Variants in SOX5 observed in about 807,000 individuals in gnomAD.
SOX5 encodes the protein SRY-box transcription factor 5.
A neutral mutation model predicts 92.0 loss-of-function variants in SOX5; 9 were observed. The observed-to-expected ratio is 0.10, with a 90% CI of 0.06 to 0.17. SOX5 has a LOEUF of 0.17. Ranked by LOEUF, SOX5 falls within the 10% of genes least tolerant of loss-of-function variation. The probability of loss-of-function intolerance (pLI) is 1.00; values close to 1 mark genes in which losing one functional copy is unlikely to be tolerated. For synonymous variants in SOX5, 344 were observed against 336.3 expected, an observed-to-expected ratio of 1.02 and a Z score of -0.25; for missense variants, 642 against 944.5, an observed-to-expected ratio of 0.68 and a Z score of 4.20.
intron 1 of SOX5, among the ~76,000 whole-genome samples, chr12:24,416,432 GCAAACTAA>G (rs774191057): frequency 6.6e-5 from 10 of 152,180 alleles, no homozygotes; most frequent in Admixed American, 1.3e-4. Context: ...CTCAGCATCA[GCAAACTAA>G]CATCTGAAAT....
chr12:24,515,819 C>T (rs1479955240), intron 1 of SOX5, among the ~76,000 whole-genome samples: 1 of 152,152 alleles, frequency 6.6e-6, no homozygotes, highest in Non-Finnish European at 1.5e-5. Flanking sequence ...TGCTCAATTA[C>T]AACTGTTCAA....
Position 23,563,419 on chromosome 12 carries a change from A to G in SOX5, c.1343-16T>C. Reference sequence around the variant, plus strand: ...TTTAAGTAACCTGAACATGAGACAGATCAAAGGATATCTTTTGTATAAAAG... The same window carrying G: ...TTTAAGTAACCTGAACATGAGACAGGTCAAAGGATATCTTTTGTATAAAAG... On this transcript the variant is annotated splice_polypyrimidine_tract_variant and intron_variant, in intron 10 of 14. Coordinates refer to ENST00000451604, the MANE Select transcript of SOX5 (RefSeq NM_006940.6). 1 of 1,609,746 alleles carries G rather than the reference A, an allele frequency of 6.2e-7. No individual in the cohort carries two copies. The highest frequency in any genetic ancestry group is 8.5e-7 in the Non-Finnish European group (1 of 1,177,890).
chr12:24,004,016 T>A (rs1951884029), intron 4 of SOX5, among the ~76,000 whole-genome samples: 1 of 152,052 alleles, frequency 6.6e-6, no homozygotes, highest in Non-Finnish European at 1.5e-5. Flanking sequence ...AATTGATTTA[T>A]TTTTGCACTA....
intron 2 of SOX5, among the ~76,000 whole-genome samples, chr12:24,365,519 T>C (rs1452716685): frequency 6.6e-6 from 1 of 151,782 alleles, no homozygotes; most frequent in African/African-American, 2.4e-5. Context: ...ATCAATTCTG[T>C]CTAAATTACT....
At chr12:23,884,361 A>G (rs1010474260) in intron 2 of SOX5, among the ~76,000 whole-genome samples, 1 of 152,342 alleles carries the variant, frequency 6.6e-6, no homozygotes, top group South Asian at 2.1e-4. Flanking sequence ...TCTTATAGCC[A>G]GAACACAAAT....
intron 1 of SOX5, among the ~76,000 whole-genome samples, chr12:24,458,434 T>C (rs1195390169): frequency 6.6e-6 from 1 of 152,170 alleles, no homozygotes; most frequent in Non-Finnish European, 1.5e-5. Context: ...CCAGGGTCCA[T>C]TCTCTACTCA....
chr12:23,826,165 C>A (rs930601988), intron 3 of SOX5, among the ~76,000 whole-genome samples: 1 of 136,396 alleles, frequency 7.3e-6, no homozygotes, highest in African/African-American at 2.7e-5. Flanking sequence ...CTAATGCTAT[C>A]CCTCCCCCCT....
At chr12:23,825,096 T>C (rs568104621) in intron 3 of SOX5, among the ~76,000 whole-genome samples, 1 of 150,678 alleles carries the variant, frequency 6.6e-6, no homozygotes, top group Non-Finnish European at 1.5e-5. Flanking sequence ...CCAGGGGGAG[T>C]GAACGGTTCT....
upstream of SOX5, chr12:23,951,095 GA>G (rs1456416515): frequency 4.6e-5 from 22 of 475,500 alleles, no homozygotes; most frequent in South Asian, 7.4e-5. Flanking sequence ...GGAAAGAGAG[GA>G]AAAAAAAGCC....
chr12:24,116,715 A>G (rs1194300736), intron 4 of SOX5, among the ~76,000 whole-genome samples: 1 of 152,184 alleles, frequency 6.6e-6, no homozygotes, highest in Non-Finnish European at 1.5e-5. Context: ...AAATCATTAT[A>G]AGAAATGTAA....
intron 2 of SOX5, among the ~76,000 whole-genome samples, chr12:24,342,595 A>C (rs1266649007): frequency 6.6e-6 from 1 of 152,150 alleles, no homozygotes; most frequent in African/African-American, 2.4e-5. Flanking sequence ...TAAATCATAG[A>C]TCCTTAAGAT....
intron 3 of SOX5, among the ~76,000 whole-genome samples, chr12:24,271,632 C>A (rs1943744926): frequency 6.6e-6 from 1 of 152,078 alleles, no homozygotes; most frequent in Admixed American, 6.6e-5. Flanking sequence ...AGGTTTCGGC[C>A]AACTAAAATT....
intron 3 of SOX5, among the ~76,000 whole-genome samples, chr12:23,843,617 G>A (rs1393417601): frequency 8.6e-6 from 1 of 116,298 alleles, no homozygotes; most frequent in Non-Finnish European, 1.6e-5. Context: ...AGGCTGGTGT[G>A]CAGTGGCCCA....
intron 4 of SOX5, among the ~76,000 whole-genome samples, chr12:23,998,568 G>A (rs1368851830): frequency 6.6e-6 from 1 of 152,054 alleles, no homozygotes; most frequent in African/African-American, 2.4e-5. Context: ...ACTTTGGGAG[G>A]CTGAGGCTGG....
At chr12:23,779,955 C>CTGTGTGTGTGTGTG (rs10686652) in intron 3 of SOX5, among the ~76,000 whole-genome samples, 1,687 of 136,520 alleles carry the variant, frequency 0.012, 19 homozygotes, top group Non-Finnish European at 0.019. Context: ...CACAGCGAGA[C>CTGTGTGTGTGTGTG]TGTGTGTGTG....
chr12:23,881,343 C>T (rs917822518), intron 2 of SOX5, among the ~76,000 whole-genome samples: 1 of 152,162 alleles, frequency 6.6e-6, no homozygotes, highest in Non-Finnish European at 1.5e-5. Flanking sequence ...CTCTTTTTCT[C>T]TTTCATTCCC....
chr12:23,572,730 TA>T (rs982148433), intron 10 of SOX5, among the ~76,000 whole-genome samples: 5 of 152,312 alleles, frequency 3.3e-5, no homozygotes, highest in Middle Eastern at 3.4e-3. Flanking sequence ...CCAAATAAAA[TA>T]TTTTTTCTTT....
intron 4 of SOX5, among the ~76,000 whole-genome samples, chr12:24,071,496 G>A (rs1285432269): frequency 1.3e-5 from 2 of 152,064 alleles, no homozygotes; most frequent in East Asian, 1.9e-4. Context: ...GTGCAGTGGC[G>A]CGATCTCGGC....
chr12:23,636,213 T>C (rs75725345), intron 8 of SOX5, among the ~76,000 whole-genome samples: 3,925 of 152,290 alleles, frequency 0.026, 159 homozygotes, highest in African/African-American at 0.087. Flanking sequence ...ATTTGTATTA[T>C]TTATATACAT....
Sources: allele counts gnomAD v4.1 joint callset (sites outside exome capture counted in the v4.1 genomes callset), GRCh38; gene constraint gnomAD v4.1.1; transcripts MANE v1.5; gene names NCBI Gene and HGNC (gene_info 2026-07-23, HGNC 2026-07-21).